Variants in FAM193A observed in about 807,000 individuals in gnomAD.
The protein encoded by FAM193A is protein FAM193A.
In FAM193A, 22 loss-of-function variants were observed where a neutral mutation model predicts 126.5. That is an observed-to-expected ratio of 0.17 (90% CI 0.12 to 0.25). The LOEUF is 0.25. FAM193A is among the 10% of genes least tolerant of loss of function. The probability of loss-of-function intolerance (pLI) is 1.00; values close to 1 mark genes in which losing one functional copy is unlikely to be tolerated. For synonymous variants in FAM193A, 761 were observed against 646.8 expected (o/e 1.18, Z -2.68); for missense variants, 1,675 against 1,672.8 (o/e 1.00, Z -0.02).
intron 19 of FAM193A, among the ~76,000 whole-genome samples, chr4:2,710,489 C>T (rs1209511851): frequency 1.3e-5 from 2 of 149,668 alleles, no homozygotes; most frequent in South Asian, 2.1e-4. Flanking sequence ...TTTTCTTTAC[C>T]TCCTTTCTTT....
intron 20 of FAM193A, among the ~76,000 whole-genome samples, chr4:2,729,326 C>T (rs1350272311): frequency 6.6e-6 from 1 of 152,118 alleles, no homozygotes; most frequent in Non-Finnish European, 1.5e-5. Context: ...CATGCTCCCT[C>T]CCAAGTGCTA....
At chr4:2,651,761 C>T (rs1473296882) in intron 7 of FAM193A, among the ~76,000 whole-genome samples, 1 of 152,184 alleles carries the variant, frequency 6.6e-6, no homozygotes, top group Non-Finnish European at 1.5e-5. Context: ...CGCTGCCTGT[C>T]CTCAGGACAG....
chr4:2,537,256 G>C (rs1366273614), intron 1 of FAM193A, 86 bp downstream of exon 1: 1 of 157,900 alleles, frequency 6.3e-6, no homozygotes, highest in Non-Finnish European at 1.4e-5. Context: ...TCCCGCTGTC[G>C]GCCCCGGGCC....
At chr4:2,629,679 G>T (rs1483649134) in intron 4 of FAM193A, among the ~76,000 whole-genome samples, 1 of 152,284 alleles carries the variant, frequency 6.6e-6, no homozygotes, top group Non-Finnish European at 1.5e-5. Context: ...ACTCATTTCT[G>T]TTAGAGTGAT....
intron 1 of FAM193A, among the ~76,000 whole-genome samples, chr4:2,570,268 C>T (rs1578618522): frequency 6.6e-6 from 1 of 152,090 alleles, no homozygotes; most frequent in East Asian, 1.9e-4. Flanking sequence ...TTATGTCTCC[C>T]TGCAGGGTTG....
chr4:2,698,451 A>G (rs1193874957), intron 18 of FAM193A, among the ~76,000 whole-genome samples: 1 of 152,226 alleles, frequency 6.6e-6, no homozygotes, highest in Non-Finnish European at 1.5e-5. Flanking sequence ...GCTGCTCCTG[A>G]CATACACATG....
At chr4:2,589,357 T>C (rs1006687581) in intron 1 of FAM193A, among the ~76,000 whole-genome samples, 1 of 152,232 alleles carries the variant, frequency 6.6e-6, no homozygotes, top group African/African-American at 2.4e-5. Context: ...GCAGTTTTCA[T>C]TAGGTTTTCT....
intron 6 of FAM193A, among the ~76,000 whole-genome samples, chr4:2,642,134 CAAAAAAAAAA>C (rs35799531): frequency 1.2e-5 from 1 of 86,230 alleles, no homozygotes. Flanking sequence ...ACTAAAAATA[CAAAAAAAAAA>C]AAAAAAAAAA....
chr4:2,597,583 G>A (rs910052324), intron 2 of FAM193A, among the ~76,000 whole-genome samples: 2 of 152,006 alleles, frequency 1.3e-5, no homozygotes, highest in African/African-American at 4.8e-5. Flanking sequence ...CCCAGCCCCC[G>A]GCTTGTCTTG....
At chr4:2,672,544 G>T (rs17825119) in intron 13 of FAM193A, among the ~76,000 whole-genome samples, 172 bp downstream of exon 13, 76,987 of 152,054 alleles carry the variant, frequency 0.51, 19,971 homozygotes, top group Admixed American at 0.64. Context: ...CACTGTAATT[G>T]TGAACCTTTA....
chr4:2,601,215 TTTC>T (rs1265083738), intron 2 of FAM193A, among the ~76,000 whole-genome samples: 37 of 147,490 alleles, frequency 2.5e-4, no homozygotes, highest in Non-Finnish European at 2.5e-4. Context: ...TGACTTTTTA[TTTC>T]TTCTTCTTCT....
chr4:2,629,826 A>G (rs1312445175), intron 4 of FAM193A, among the ~76,000 whole-genome samples: 1 of 152,198 alleles, frequency 6.6e-6, no homozygotes, highest in Non-Finnish European at 1.5e-5. Context: ...GTACTGTAGA[A>G]TACGTTTTAA....
chr4:2,672,450 C>G, intron 13 of FAM193A, 78 bp downstream of exon 13: 2 of 1,517,422 alleles, frequency 1.3e-6, no homozygotes, highest in Admixed American at 1.8e-5. Flanking sequence ...ACAAAGAAAT[C>G]TGTGAATTAG....
intron 2 of FAM193A, among the ~76,000 whole-genome samples, chr4:2,621,864 C>T (rs1187583488): frequency 6.6e-6 from 1 of 151,798 alleles, no homozygotes; most frequent in Non-Finnish European, 1.5e-5. Context: ...CCTCTCCTTG[C>T]CCTACCATGC....
intron 1 of FAM193A, among the ~76,000 whole-genome samples, chr4:2,552,028 T>C (rs1728280): frequency 4.7e-5 from 7 of 148,462 alleles, no homozygotes; most frequent in African/African-American, 1.2e-4. Flanking sequence ...TTTTTTTTTT[T>C]CGAGACAGAG....
intron 1 of FAM193A, among the ~76,000 whole-genome samples, chr4:2,541,823 C>T (rs73207317): frequency 0.21 from 32,611 of 151,712 alleles, 4,131 homozygotes; most frequent in Middle Eastern, 0.32. Flanking sequence ...ATGCCACCAT[C>T]TTTTATGGTA....
chr4:2,689,967 G>A (rs1009193687), intron 14 of FAM193A, among the ~76,000 whole-genome samples: 1 of 152,246 alleles, frequency 6.6e-6, no homozygotes, highest in Admixed American at 6.5e-5. Flanking sequence ...CATGGGCGTG[G>A]CCTCAGCGCT....
intron 12 of FAM193A, among the ~76,000 whole-genome samples, chr4:2,666,459 A>G (rs1713123732): frequency 6.6e-6 from 1 of 152,164 alleles, no homozygotes; most frequent in Non-Finnish European, 1.5e-5. Flanking sequence ...AATAAAATAT[A>G]TTGGTCTGTA....
At chr4:2,601,391 C>G (rs145079765) in intron 2 of FAM193A, among the ~76,000 whole-genome samples, 4,562 of 151,834 alleles carry the variant, frequency 0.03, 243 homozygotes, top group African/African-American at 0.1. Flanking sequence ...TACCACCACA[C>G]CCAGCTAATT....
Sources: gnomAD v4.1 joint callset for allele counts (sites outside exome capture counted in the v4.1 genomes callset) on GRCh38, gnomAD v4.1.1 for gene constraint, MANE v1.5 for transcripts, NCBI Gene and HGNC (gene_info 2026-07-23, HGNC 2026-07-21) for gene names.